CAAP1: variants seen among roughly 807,000 people sequenced by gnomAD.
The protein encoded by CAAP1 is caspase activity and apoptosis inhibitor 1.
Under a neutral mutation model 34.0 loss-of-function variants are expected in CAAP1, and 20 were observed. The observed-to-expected ratio is 0.59, with a 90% CI of 0.41 to 0.86. CAAP1 has a LOEUF of 0.86. Ranked by LOEUF, CAAP1 falls within the 40% of genes least tolerant of loss-of-function variation. CAAP1 has a pLI of 0.00. For missense variants in CAAP1, 538 were observed against 450.5 expected, an observed-to-expected ratio of 1.19 and a Z score of -1.76; for synonymous variants, 213 against 166.7, an observed-to-expected ratio of 1.28 and a Z score of -2.14.
At chr9:26,863,772 TAAAAAAA>T (rs57763346) in intron 4 of CAAP1, among the ~76,000 whole-genome samples, 177 of 111,972 alleles carry the variant, frequency 1.6e-3, no homozygotes, top group African/African-American at 5.4e-3. Flanking sequence ...CCGTTTAAAT[TAAAAAAA>T]AAAAAAAAAA....
At chr9:26,871,928 A>T (rs1285073856) in intron 4 of CAAP1, among the ~76,000 whole-genome samples, 1 of 151,960 alleles carries the variant, frequency 6.6e-6, no homozygotes, top group Non-Finnish European at 1.5e-5. Flanking sequence ...TAAATAAATA[A>T]ATAAATAAAT....
At chr9:26,877,945 A>G (rs1823484861) in intron 4 of CAAP1, among the ~76,000 whole-genome samples, 1 of 151,622 alleles carries the variant, frequency 6.6e-6, no homozygotes, top group South Asian at 2.1e-4. Flanking sequence ...TCTCCTTTCT[A>G]TGTTTCATTT....
rs150544900 is a variant in CAAP1 at position 26,847,729 on chromosome 9, T to C, written c.740-5082A>G. Among the ~76,000 whole-genome samples the C allele has an allele frequency of 3.9e-3, 598 of 152,222 alleles. 6 individuals are homozygous for C. The highest frequency in any genetic ancestry group is 0.014 in the Admixed American group (219 of 15,290). ...TTTTCCTGTCTTATAATTTTATTTA[T>C]GGTGTTTTTTTTTCTCAGAAATATT... On this transcript the variant is annotated intron_variant, in intron 5 of 5. Transcript: ENST00000333916.
At chr9:26,888,517 T>C (rs1233448077) in intron 1 of CAAP1, among the ~76,000 whole-genome samples, 1 of 152,246 alleles carries the variant, frequency 6.6e-6, no homozygotes, top group Admixed American at 6.5e-5. Context: ...GGTCAGATAG[T>C]TGTTTACAAA....
At chr9:26,861,910 TG>T (rs1432938475) in intron 4 of CAAP1, among the ~76,000 whole-genome samples, 1 of 152,184 alleles carries the variant, frequency 6.6e-6, no homozygotes, top group East Asian at 1.9e-4. Flanking sequence ...GTAACAAATC[TG>T]TCAAATAACC....
intron 5 of CAAP1, among the ~76,000 whole-genome samples, chr9:26,851,853 T>C (rs1222337585): frequency 2.0e-5 from 3 of 152,096 alleles, no homozygotes; most frequent in African/African-American, 7.2e-5. Context: ...GGCATCACAC[T>C]CAAATACTTT....
At chr9:26,854,650 A>G (rs1822826350) in intron 5 of CAAP1, among the ~76,000 whole-genome samples, 1 of 152,232 alleles carries the variant, frequency 6.6e-6, no homozygotes, top group Non-Finnish European at 1.5e-5. Flanking sequence ...CATCTGCAAA[A>G]CATATGTGAC....
intron 1 of CAAP1, among the ~76,000 whole-genome samples, chr9:26,888,182 G>A (rs1823799870): frequency 6.6e-6 from 1 of 151,732 alleles, no homozygotes; most frequent in African/African-American, 2.4e-5. Context: ...TACACTGTTA[G>A]CAGAATGGAT....
At chr9:26,843,774 T>A (rs934470045) in intron 5 of CAAP1, among the ~76,000 whole-genome samples, 1 of 152,320 alleles carries the variant, frequency 6.6e-6, no homozygotes, top group East Asian at 1.9e-4. Context: ...ATTGGTTTTA[T>A]AATCAATGAT....
intron 5 of CAAP1, among the ~76,000 whole-genome samples, chr9:26,844,456 G>A (rs1034629413): frequency 6.6e-6 from 1 of 152,334 alleles, no homozygotes; most frequent in Middle Eastern, 3.4e-3. Context: ...TATAGTCACT[G>A]ATTCTGAATA....
intron 1 of CAAP1, among the ~76,000 whole-genome samples, 163 bp from the exon 2 acceptor site, chr9:26,887,676 A>C (rs1213738724): frequency 6.6e-6 from 1 of 152,176 alleles, no homozygotes; most frequent in Non-Finnish European, 1.5e-5. Context: ...TATCTGTTTA[A>C]TATTACTTGA....
At chr9:26,853,531 G>A (rs1034687168) in intron 5 of CAAP1, among the ~76,000 whole-genome samples, 3 of 152,170 alleles carry the variant, frequency 2.0e-5, no homozygotes, top group Admixed American at 1.3e-4. Context: ...CAGTCCTGGG[G>A]CACTCATCCT....
intron 5 of CAAP1, among the ~76,000 whole-genome samples, chr9:26,848,125 G>C (rs1012496377): frequency 6.6e-6 from 1 of 152,098 alleles, no homozygotes; most frequent in African/African-American, 2.4e-5. Context: ...TTATCAACTC[G>C]AATATTTATA....
chr9:26,863,830 G>A (rs528592295), intron 4 of CAAP1, among the ~76,000 whole-genome samples: 11 of 147,964 alleles, frequency 7.4e-5, no homozygotes, highest in East Asian at 4.0e-4. Context: ...TTGTTGTCCC[G>A]TCTTCCAGGA....
chr9:26,883,974 C>A (rs1823663638), intron 4 of CAAP1, among the ~76,000 whole-genome samples: 1 of 152,124 alleles, frequency 6.6e-6, no homozygotes, highest in African/African-American at 2.4e-5. Flanking sequence ...TGAAAAAATT[C>A]TGTATTTCTG....
intron 5 of CAAP1, among the ~76,000 whole-genome samples, chr9:26,853,529 G>A (rs1369786625): frequency 6.6e-6 from 1 of 152,090 alleles, no homozygotes; most frequent in Non-Finnish European, 1.5e-5. Context: ...GTCAGTCCTG[G>A]GGCACTCATC....
chr9:26,865,184 T>C (rs1194625820), intron 4 of CAAP1, among the ~76,000 whole-genome samples: 6 of 152,026 alleles, frequency 3.9e-5, no homozygotes, highest in Admixed American at 2.0e-4. Flanking sequence ...ATGAAAAAAA[T>C]AGACACATAC....
intron 4 of CAAP1, among the ~76,000 whole-genome samples, chr9:26,870,131 T>C (rs1347076608): frequency 2.6e-5 from 4 of 151,586 alleles, no homozygotes; most frequent in Admixed American, 1.3e-4. Flanking sequence ...AGGGAAACCG[T>C]TGCCAAGCAT....
At chr9:26,848,532 G>C (rs1250816610) in intron 5 of CAAP1, among the ~76,000 whole-genome samples, 2 of 151,938 alleles carry the variant, frequency 1.3e-5, no homozygotes, top group African/African-American at 4.8e-5. Context: ...AGAAAAAATA[G>C]TTCTTATATG....
Sources: gnomAD v4.1 joint callset for allele counts (sites outside exome capture counted in the v4.1 genomes callset) on GRCh38, gnomAD v4.1.1 for gene constraint, MANE v1.5 for transcripts, NCBI Gene and HGNC (gene_info 2026-07-23, HGNC 2026-07-21) for gene names.